Variants in PCDHA5 observed in about 807,000 individuals in gnomAD.
PCDHA5 encodes protocadherin alpha 5, also known as protocadherin alpha-5.
PCDHA5 carries 43 observed loss-of-function variants against 61.6 expected under a neutral mutation model. The ratio of observed to expected loss-of-function variants is 0.70; its 90% CI spans 0.55 to 0.90. The LOEUF (loss-of-function observed/expected upper bound fraction) is 0.90. PCDHA5 is among the 40% of genes least tolerant of loss of function. PCDHA5 has a pLI of 0.00. For missense variants in PCDHA5, 1,298 were observed against 1,222.7 expected (o/e 1.06, Z -0.92); for synonymous variants, 627 against 543.9 (o/e 1.15, Z -2.13).
intron 1 of PCDHA5, chr5:140,849,857 G>T (rs2150454251): frequency 1.9e-6 from 3 of 1,598,510 alleles, no homozygotes; most frequent in African/African-American, 2.7e-5. Context: ...ACGCACCAGC[G>T]TTCGCGCAGT....
chr5:140,891,409 C>A (rs1295005747), intron 1 of PCDHA5, among the ~76,000 whole-genome samples: 1 of 148,202 alleles, frequency 6.7e-6, no homozygotes. Flanking sequence ...CGCCACCCCC[C>A]ACTCTTGCCC....
rs2150132380 is a variant in PCDHA5, at chr5:140,824,127, C to A, written c.2352C>A (p.Asn784Lys). ...CTCAGGGTCCCACCTCTACAGACAACGTGAGTTTTCTAATATTAACATCCA... is the reference window on the plus strand; with the variant it reads ...CTCAGGGTCCCACCTCTACAGACAAAGTGAGTTTTCTAATATTAACATCCA... ...SLPQGPTSTDNPRQPNPDWRY... is the reference protein window; with the variant it reads ...SLPQGPTSTDKPRQPNPDWRY... The change falls in exon 1 of 4, where the codon AAC (asparagine) becomes AAA (lysine). Residue 784 changes from asparagine to lysine, a missense_variant and splice_region_variant. Physicochemically the swap from Asn to Lys is moderately conservative, Grantham distance 94 (BLOSUM62 0). Coordinates refer to ENST00000529859, the MANE Select transcript of PCDHA5 (RefSeq NM_018908.3). The A allele has an allele frequency of 1.9e-6, 3 of 1,613,568 alleles. No homozygotes were observed. The highest frequency in any genetic ancestry group is 2.5e-6 in the Non-Finnish European group (3 of 1,179,490).
chr5:140,977,844 G>A (rs2096777589), intron 1 of PCDHA5, among the ~76,000 whole-genome samples: 1 of 152,136 alleles, frequency 6.6e-6, no homozygotes, highest in Admixed American at 6.5e-5. Context: ...TATTACTATG[G>A]CTTTGTTTCT....
intron 3 of PCDHA5, among the ~76,000 whole-genome samples, chr5:141,008,506 T>G (rs1362141784): frequency 5.9e-5 from 9 of 152,202 alleles, no homozygotes; most frequent in African/African-American, 2.2e-4. Context: ...CTTTATGGTG[T>G]GTCTTCCAAT....
intron 1 of PCDHA5, among the ~76,000 whole-genome samples, chr5:140,838,813 T>C (rs1372139803): frequency 6.6e-6 from 1 of 151,884 alleles, no homozygotes; most frequent in Non-Finnish European, 1.5e-5. Context: ...TTTCAGCTAC[T>C]CAAGAAACTG....
chr5:140,997,820 T>C (rs2097787131), intron 3 of PCDHA5, among the ~76,000 whole-genome samples: 1 of 152,170 alleles, frequency 6.6e-6, no homozygotes. Flanking sequence ...GGTATCTATG[T>C]TTTCTAAACA....
chr5:140,907,491 C>A (rs1554193021), intron 1 of PCDHA5, among the ~76,000 whole-genome samples: 1 of 152,186 alleles, frequency 6.6e-6, no homozygotes, highest in Non-Finnish European at 1.5e-5. Flanking sequence ...AAACCCATAT[C>A]CAGAGTAAGT....
At chr5:140,896,451 C>T (rs1173407136) in intron 1 of PCDHA5, among the ~76,000 whole-genome samples, 1 of 152,112 alleles carries the variant, frequency 6.6e-6, no homozygotes, top group Non-Finnish European at 1.5e-5. Flanking sequence ...CAACCTCCAC[C>T]TCCTGGGTTC....
chr5:140,848,144 G>T, intron 1 of PCDHA5: 2 of 202,506 alleles, frequency 9.9e-6, no homozygotes, highest in Non-Finnish European at 1.0e-5. Flanking sequence ...ACTTTTAGAG[G>T]CAGTCAGTCT....
At chr5:140,844,393 C>A (rs1368832554) in intron 1 of PCDHA5, among the ~76,000 whole-genome samples, 1 of 149,238 alleles carries the variant, frequency 6.7e-6, no homozygotes. Context: ...ATTATTTAGA[C>A]CATTTTACCA....
At chr5:140,839,504 C>A (rs1554137483) in intron 1 of PCDHA5, among the ~76,000 whole-genome samples, 1 of 152,000 alleles carries the variant, frequency 6.6e-6, no homozygotes, top group Non-Finnish European at 1.5e-5. Flanking sequence ...ATCTTCCTAC[C>A]TCAGCCTCTC....
At chr5:140,972,660 ATTTTT>A (rs11350929) in intron 1 of PCDHA5, among the ~76,000 whole-genome samples, 2 of 117,266 alleles carry the variant, frequency 1.7e-5, no homozygotes, top group African/African-American at 3.3e-5. Flanking sequence ...AAGAAACCAA[ATTTTT>A]TTTTTTTTTT....
rs2150335753 is a variant in PCDHA5, at chr5:140,842,424, T to A, written c.2352+18297T>A. On this transcript the variant is annotated intron_variant, in intron 1 of 3. Transcript: ENST00000529859. Reference sequence around the variant, plus strand: ...CGTGAAGACGCTCAATTTGGTACTGTCATCGCCCTAATTAGCGTGAACGAC... The same window carrying A: ...CGTGAAGACGCTCAATTTGGTACTGACATCGCCCTAATTAGCGTGAACGAC... 2 of 1,613,572 alleles carry A rather than the reference T, an allele frequency of 1.2e-6. No individual in the cohort carries two copies. Among genetic ancestry groups the A allele is most frequent in the East Asian group, 4.5e-5 (2 of 44,874 alleles).
intron 1 of PCDHA5, chr5:140,966,896 C>G (rs910624863): frequency 6.3e-6 from 10 of 1,596,816 alleles, no homozygotes; most frequent in Non-Finnish European, 8.5e-6. Flanking sequence ...GGCCTCCCAG[C>G]TGCGATACTC....
intron 1 of PCDHA5, chr5:140,865,952 T>C (rs2049067031): frequency 6.6e-6 from 1 of 152,220 alleles, no homozygotes; most frequent in Non-Finnish European, 1.5e-5. Context: ...GTCTTCATCA[T>C]TAATTTTGTA....
chr5:140,850,624 T>C (rs2150491182), intron 1 of PCDHA5: 1 of 1,598,468 alleles, frequency 6.3e-7, no homozygotes, highest in African/African-American at 1.3e-5. Flanking sequence ...GTGTCTAGCC[T>C]GTTGGTTCTC....
rs142570778 is a variant in PCDHA5 at position 141,009,810 on chromosome 5, A to G, written c.2684A>G (p.Asp895Gly). ...CAGGAGCCTACTAACAGCCAAATTG[A>G]CAAAAGTGACTTCATAACCTTCGGC... ...IRQEPTNSQI[D>G]KSDFITFGKK... The change falls in exon 4 of 4, where the codon GAC (aspartate) becomes GGC (glycine). Residue 895 changes from aspartate to glycine, a missense_variant. Asp to Gly is a moderately conservative substitution (Grantham distance 94). Transcript: ENST00000529859. 8 of 1,614,016 alleles carry G rather than the reference A, an allele frequency of 5.0e-6. No individual in the cohort carries two copies. Among genetic ancestry groups the G allele is most frequent in the Admixed American group, 3.3e-5 (2 of 60,000 alleles).
chr5:140,909,164 A>T (rs2074347084), intron 1 of PCDHA5, among the ~76,000 whole-genome samples: 1 of 152,238 alleles, frequency 6.6e-6, no homozygotes, highest in South Asian at 2.1e-4. Context: ...AGGGAAAATC[A>T]ATCAAGTTCT....
At chr5:140,882,713 G>T (rs1554175318) in intron 1 of PCDHA5, 6 of 1,614,198 alleles carry the variant, frequency 3.7e-6, no homozygotes, top group African/African-American at 1.3e-5. Context: ...TAGACCTCCG[G>T]AAACTCGATT....
Sources: allele counts gnomAD v4.1 joint callset (sites outside exome capture counted in the v4.1 genomes callset), GRCh38; gene constraint gnomAD v4.1.1; transcripts MANE v1.5; gene names NCBI Gene and HGNC (gene_info 2026-07-23, HGNC 2026-07-21).